UGT1A8: variants seen among roughly 807,000 people sequenced by gnomAD.
UGT1A8 encodes UDP-glucuronosyltransferase 1A8.
A neutral mutation model predicts 45.3 loss-of-function variants in UGT1A8; 39 were observed. The ratio of observed to expected loss-of-function variants is 0.86; its 90% CI spans 0.67 to 1.12. The LOEUF (loss-of-function observed/expected upper bound fraction) is 1.12. UGT1A8 is among the 50% of genes most tolerant of loss of function. The pLI is 0.00. For synonymous variants in UGT1A8, 275 were observed against 249.2 expected (o/e 1.10, Z -0.97); for missense variants, 719 against 664.9 (o/e 1.08, Z -0.90).
chr2:233,725,911 A>G (rs1258328024), intron 1 of UGT1A8, among the ~76,000 whole-genome samples: 2 of 152,166 alleles, frequency 1.3e-5, no homozygotes. Flanking sequence ...CACACCTGCA[A>G]TTTCAGCCCT....
At chr2:233,635,742 G>A (rs149873740) in intron 1 of UGT1A8, among the ~76,000 whole-genome samples, 4 of 151,012 alleles carry the variant, frequency 2.6e-5, no homozygotes, top group Non-Finnish European at 5.9e-5. Context: ...TTTCCTGAAA[G>A]AGGTCACTGG....
intron 1 of UGT1A8, among the ~76,000 whole-genome samples, chr2:233,629,093 T>G (rs1490829101): frequency 6.6e-6 from 1 of 152,066 alleles, no homozygotes; most frequent in Non-Finnish European, 1.5e-5. Flanking sequence ...ACTGAAACTT[T>G]GGACCCATTA....
chr2:233,678,057 A>G (rs556789798), intron 1 of UGT1A8, among the ~76,000 whole-genome samples: 1 of 152,346 alleles, frequency 6.6e-6, no homozygotes, highest in East Asian at 1.9e-4. Context: ...CTAAGGGAAT[A>G]TATACAGGCA....
At chr2:233,671,451 G>C (rs1374090524) in intron 1 of UGT1A8, among the ~76,000 whole-genome samples, 1 of 152,172 alleles carries the variant, frequency 6.6e-6, no homozygotes, top group Non-Finnish European at 1.5e-5. Flanking sequence ...AATTTAGGAG[G>C]TTAGGAGGTC....
At chr2:233,677,834 T>TAA (rs139390163) in intron 1 of UGT1A8, among the ~76,000 whole-genome samples, 2 of 151,800 alleles carry the variant, frequency 1.3e-5, no homozygotes, top group African/African-American at 4.8e-5. Context: ...TAGATATATG[T>TAA]AAAAAAAATC....
At chr2:233,667,805 A>G (rs1054490563) in intron 1 of UGT1A8, among the ~76,000 whole-genome samples, 1 of 152,250 alleles carries the variant, frequency 6.6e-6, no homozygotes. Context: ...TGGCCATCTG[A>G]GAAATGCAAA....
rs767620587 is a variant in UGT1A8, at chr2:233,754,884, G to C, written c.856-12150G>C. 5.9e-6 allele frequency: 8 copies of C among 1,350,598 alleles called. No homozygotes were observed. In the Admixed American group the frequency reaches 7.6e-5, roughly 13 times the overall value. The allele number at this position is 1,350,598 out of a possible 1,614,324, so 83.7% of individuals were successfully genotyped here. A position where few individuals can be genotyped will look rare whatever the true frequency, so the allele number is the denominator to read the frequency against. ...AGACCCTCTGCTTCTGCTTCCCAGG[G>C]AGTTCCTCTGACCCCCCAAAATATT... On this transcript the variant is annotated intron_variant, in intron 1 of 4. Coordinates refer to ENST00000373450, the MANE Select transcript of UGT1A8 (RefSeq NM_019076.5).
At chr2:233,697,063 GT>G (rs1308973178) in intron 1 of UGT1A8, among the ~76,000 whole-genome samples, 1 of 151,994 alleles carries the variant, frequency 6.6e-6, no homozygotes, top group African/African-American at 2.4e-5. Flanking sequence ...TCCTTGTCTG[GT>G]TTTGGTATCA....
intron 1 of UGT1A8, among the ~76,000 whole-genome samples, chr2:233,680,834 A>G (rs28969710): frequency 6.6e-6 from 1 of 152,128 alleles, no homozygotes; most frequent in Non-Finnish European, 1.5e-5. Context: ...GCAGAAGCAG[A>G]GTGGGCAGAG....
At position 233,635,301 on chromosome 2, in the gene UGT1A8, G is replaced by A. The variant is rs570834051; in HGVS notation, c.855+16739G>A. On this transcript the variant is annotated intron_variant, in intron 1 of 4. Coordinates refer to ENST00000373450, the MANE Select transcript of UGT1A8 (RefSeq NM_019076.5). ...GTCTTGGAGTTGCTTTTCTCGAGGA[G>A]TATCTTTATGGTGTTCTCTGTGTTT... is the stretch of plus-strand genomic sequence containing the variant. Among the ~76,000 whole-genome samples, 16 of 150,832 alleles carry A rather than the reference G, an allele frequency of 1.1e-4. 2 individuals carry two copies. In the East Asian group the frequency reaches 3.1e-3, roughly 29 times the overall value.
chr2:233,747,300 G>A (rs1415294813), intron 1 of UGT1A8: 68 of 1,602,464 alleles, frequency 4.2e-5, no homozygotes, highest in Admixed American at 3.8e-4. Flanking sequence ...CTGAGAGTGG[G>A]AAGGTGCTGG....
chr2:233,714,506 A>T (rs1575507249), intron 1 of UGT1A8, among the ~76,000 whole-genome samples: 1 of 152,250 alleles, frequency 6.6e-6, no homozygotes, highest in African/African-American at 2.4e-5. Flanking sequence ...CTTAAAAAAA[A>T]TTCTTACTAG....
chr2:233,693,069 G>A (rs752839678), intron 1 of UGT1A8: 1 of 1,614,148 alleles, frequency 6.2e-7, no homozygotes, highest in Non-Finnish European at 8.5e-7. Flanking sequence ...GCACTTTGGG[G>A]CATGGTTGTA....
chr2:233,690,105 T>C (rs2074974795), intron 1 of UGT1A8, among the ~76,000 whole-genome samples: 1 of 152,240 alleles, frequency 6.6e-6, no homozygotes, highest in Non-Finnish European at 1.5e-5. Context: ...CTGCATCTTA[T>C]GTCACATATG....
chr2:233,738,081 C>G (rs1343758433), intron 1 of UGT1A8, among the ~76,000 whole-genome samples: 1 of 152,154 alleles, frequency 6.6e-6, no homozygotes, highest in Non-Finnish European at 1.5e-5. Context: ...CTCCTAATCT[C>G]ATCATAGTGA....
chr2:233,680,887 G>A lies in UGT1A8; in HGVS notation c.855+62325G>A, dbSNP rs375107832. Among the ~76,000 whole-genome samples the A allele has an allele frequency of 5.3e-5, 8 of 151,984 alleles. No homozygotes were observed. In the East Asian group the frequency reaches 1.4e-3, roughly 26 times the overall value. The stretch of plus-strand genomic sequence containing the variant: ...GTGCTTGGGCAAGCATAGGGACGGC[G>A]ACTCACCACTGCAGACAATGTATCT... On this transcript the variant is annotated intron_variant, in intron 1 of 4. Transcript: ENST00000373450.
chr2:233,760,502 C>T (rs534361076), intron 1 of UGT1A8: 2 of 1,614,242 alleles, frequency 1.2e-6, no homozygotes, highest in Non-Finnish European at 1.7e-6. Flanking sequence ...AGAGACGGAG[C>T]ATTTTACACC....
chr2:233,627,158 T>C (rs2073098443), intron 1 of UGT1A8, among the ~76,000 whole-genome samples: 1 of 152,054 alleles, frequency 6.6e-6, no homozygotes, highest in African/African-American at 2.4e-5. Flanking sequence ...ATAAATGTCT[T>C]TTGTGTCATC....
At chr2:233,724,647 T>C (rs1247687172) in intron 1 of UGT1A8, among the ~76,000 whole-genome samples, 4 of 137,372 alleles carry the variant, frequency 2.9e-5, no homozygotes, top group African/African-American at 1.1e-4. Context: ...TGATGGCGGC[T>C]GGGAAGAGGC....
Sources: allele counts gnomAD v4.1 joint callset (sites outside exome capture counted in the v4.1 genomes callset), GRCh38; gene constraint gnomAD v4.1.1; transcripts MANE v1.5; gene names NCBI Gene and HGNC (gene_info 2026-07-23, HGNC 2026-07-21).